ZNF670: variants seen among roughly 807,000 people sequenced by gnomAD.
The protein encoded by ZNF670 is zinc finger protein 670.
ZNF670 carries 7 observed loss-of-function variants against 10.9 expected under a neutral mutation model. The ratio of observed to expected loss-of-function variants is 0.64; its 90% CI spans 0.36 to 1.20. ZNF670 has a LOEUF of 1.20. ZNF670 is among the 50% of genes most tolerant of loss of function. ZNF670 has a pLI of 0.02. For missense variants in ZNF670, 446 were observed against 458.6 expected, an observed-to-expected ratio of 0.97 and a Z score of 0.25; for synonymous variants, 136 against 152.7, an observed-to-expected ratio of 0.89 and a Z score of 0.81.
At chr1:247,061,842 A>G (rs1670866817) in intron 1 of ZNF670, among the ~76,000 whole-genome samples, 1 of 152,164 alleles carries the variant, frequency 6.6e-6, no homozygotes, top group Non-Finnish European at 1.5e-5. Flanking sequence ...GAAAATCCTA[A>G]CCACAATGTG....
At chr1:247,051,699 A>G (rs1043235508) in intron 1 of ZNF670, among the ~76,000 whole-genome samples, 1 of 152,128 alleles carries the variant, frequency 6.6e-6, no homozygotes, top group Non-Finnish European at 1.5e-5. Context: ...TATTTCCTCA[A>G]ATAAGAATTC....
chr1:247,059,505 A>G (rs993874919), intron 1 of ZNF670, among the ~76,000 whole-genome samples: 2 of 152,006 alleles, frequency 1.3e-5, no homozygotes, highest in African/African-American at 4.8e-5. Flanking sequence ...AAAATAAAAT[A>G]AAAAATATAC....
chr1:247,075,824 A>C (rs1012148001), intron 1 of ZNF670, among the ~76,000 whole-genome samples: 3 of 152,170 alleles, frequency 2.0e-5, no homozygotes, highest in African/African-American at 7.2e-5. Context: ...ACACATTCCC[A>C]AAGCAAAGTC....
At chr1:247,043,201 C>T (rs1465118285) in intron 1 of ZNF670, 2 of 715,782 alleles carry the variant, frequency 2.8e-6, no homozygotes, top group Non-Finnish European at 5.2e-6. Context: ...ATGACAAGGG[C>T]CATACGCATC....
chr1:247,043,350 TA>T (rs1670363782), intron 1 of ZNF670: 1 of 557,404 alleles, frequency 1.8e-6, no homozygotes, highest in African/African-American at 1.9e-5. Flanking sequence ...GATAGTTGAG[TA>T]TTTGAGCCTT....
Position 247,043,980 on chromosome 1 carries a change from C to T in ZNF670, c.4-4443G>A, listed in dbSNP as rs142073264. 8.9e-4 allele frequency: 170 copies of T among 191,418 alleles called. 1 individual carries two copies. The Middle Eastern group carries it at 0.017, about 20-fold the overall frequency. The allele number at this position is 191,418 out of a possible 1,614,324, so 11.9% of individuals were successfully genotyped here. On this transcript the variant is annotated intron_variant, in intron 1 of 3. Coordinates refer to ENST00000366503, the MANE Select transcript of ZNF670 (RefSeq NM_033213.5). ...ACTTCTTGAAAACCTGGGTAAACAC[C>T]GAAAAAGAGAACTTCTTAAGAAGAG...
chr1:247,060,010 G>A (rs72768401), intron 1 of ZNF670, among the ~76,000 whole-genome samples: 2,639 of 152,210 alleles, frequency 0.017, 36 homozygotes, highest in Non-Finnish European at 0.026. Context: ...GATATTCCAC[G>A]TCCATGAATA....
At chr1:247,045,770 G>A (rs908782436) in intron 1 of ZNF670, among the ~76,000 whole-genome samples, 1 of 152,160 alleles carries the variant, frequency 6.6e-6, no homozygotes, top group Non-Finnish European at 1.5e-5. Context: ...AGACTTTCAA[G>A]GGCTCAGAAA....
At chr1:247,059,258 G>A (rs895251135) in intron 1 of ZNF670, among the ~76,000 whole-genome samples, 2 of 151,722 alleles carry the variant, frequency 1.3e-5, no homozygotes, top group African/African-American at 2.4e-5. Context: ...TGGCTAACAC[G>A]GTGAAACCCT....
rs930912549 is a variant in ZNF670, at chr1:247,035,256, G to A, written c.*2193C>T. Among the ~76,000 whole-genome samples, 5 of 152,206 alleles carry A rather than the reference G, an allele frequency of 3.3e-5. No homozygotes were observed. The highest frequency in any genetic ancestry group is 2.4e-5 in the African/African-American group (1 of 41,450). On this transcript the variant is annotated 3_prime_UTR_variant, in exon 4 of 4. Transcript: ENST00000366503. The stretch of plus-strand genomic sequence containing the variant: ...ACCCTAAGACTACTGGGAAAAACAC[G>A]TGACACCCATGAGTGTACAGATAAG...
At chr1:247,058,727 C>CATTATG (rs1670781829) in intron 1 of ZNF670, among the ~76,000 whole-genome samples, 6 of 110,952 alleles carry the variant, frequency 5.4e-5, no homozygotes, top group Admixed American at 8.1e-5. Context: ...AAAAAAAAAA[C>CATTATG]CACAGTGAAC....
chr1:247,050,816 G>A (rs7526191), intron 1 of ZNF670, among the ~76,000 whole-genome samples: 58,067 of 151,870 alleles, frequency 0.38, 12,796 homozygotes, highest in African/African-American at 0.59. Flanking sequence ...TTTTAAGTGG[G>A]GGCATTTAGA....
chr1:247,074,562 C>A (rs1323214506), intron 1 of ZNF670, among the ~76,000 whole-genome samples: 1 of 152,104 alleles, frequency 6.6e-6, no homozygotes, highest in East Asian at 1.9e-4. Context: ...TGCAGCAGTT[C>A]CCCACCTTTT....
intron 1 of ZNF670, among the ~76,000 whole-genome samples, chr1:247,075,028 A>G (rs1350320994): frequency 6.6e-6 from 1 of 152,198 alleles, no homozygotes; most frequent in Non-Finnish European, 1.5e-5. Flanking sequence ...CTCTCAATAT[A>G]AAGAGCTCCT....
chr1:247,072,417 T>A (rs12079022), intron 1 of ZNF670, among the ~76,000 whole-genome samples: 38,801 of 150,506 alleles, frequency 0.26, 5,920 homozygotes, highest in African/African-American at 0.42. Flanking sequence ...AGCCTCCCAA[T>A]GTGCTGAGAT....
In ZNF670 at chr1:247,035,423, G is replaced by A. The variant is rs1019147485; in HGVS notation, c.*2026C>T. 1.1e-4 allele frequency among the ~76,000 whole-genome samples: 16 copies of A among 152,186 alleles called. No individual in the cohort carries two copies. Among genetic ancestry groups the A allele is most frequent in the South Asian group, 8.3e-4 (4 of 4,836 alleles). The stretch of plus-strand genomic sequence containing the variant: ...GGGAATGCTTTGTAGTATCAAGAAC[G>A]TGAGATGCTTCTTGGTTCTCATAAG... On this transcript the variant is annotated 3_prime_UTR_variant, in exon 4 of 4. Transcript: ENST00000366503.
chr1:247,072,820 A>ATATATATATATATG (rs1671163903), intron 1 of ZNF670, among the ~76,000 whole-genome samples: 1 of 83,150 alleles, frequency 1.2e-5, no homozygotes, highest in Non-Finnish European at 2.3e-5. Flanking sequence ...ATATATATAT[A>ATATATATATATATG]TATATATATA....
chr1:247,038,137 A>T lies in ZNF670; in HGVS notation c.482T>A (p.Val161Glu). Residue 161 changes from valine to glutamate, a missense_variant, in exon 4 of 4, where the codon GTA becomes GAA. Val to Glu is a moderately radical substitution (Grantham distance 121, BLOSUM62 -2). Coordinates refer to ENST00000366503, the MANE Select transcript of ZNF670 (RefSeq NM_033213.5). ...ATAAGGCCCATTACTAGTGTGTGTT[A>T]CCATGTGTCTGTCAACACTGGTGAG... ...ISLTSVDRHM[V>E]THTSNGPYKG... 1 of 1,614,176 alleles carries T rather than the reference A, an allele frequency of 6.2e-7. No homozygotes were observed. The highest frequency in any genetic ancestry group is 1.1e-5 in the South Asian group (1 of 91,078).
rs544643488 is a variant in ZNF670 at position 247,055,784 on chromosome 1, T to C, written c.4-16247A>G. On this transcript the variant is annotated intron_variant, in intron 1 of 3. Coordinates refer to ENST00000366503, the MANE Select transcript of ZNF670 (RefSeq NM_033213.5). ...CTGGCTGCCTAACATACTTCACCTA[T>C]CAAGACACATACAAACTGAAAACAA... Among the ~76,000 whole-genome samples, 3 of 152,018 alleles carry C rather than the reference T, an allele frequency of 2.0e-5. No individual in the cohort carries two copies. In the South Asian group the frequency reaches 6.3e-4, roughly 32 times the overall value.
Sources: gnomAD v4.1 joint callset for allele counts (sites outside exome capture counted in the v4.1 genomes callset) on GRCh38, gnomAD v4.1.1 for gene constraint, MANE v1.5 for transcripts, NCBI Gene and HGNC (gene_info 2026-07-23, HGNC 2026-07-21) for gene names.